The following LRBA variants were observed in gnomAD, a reference collection of about 807,000 sequenced individuals.
LRBA encodes the protein LPS responsive beige-like anchor protein.
LRBA carries 176 observed loss-of-function variants against 330.0 expected under a neutral mutation model. That is an observed-to-expected ratio of 0.53 (90% CI 0.47 to 0.60). LRBA has a LOEUF of 0.60. Ranked by LOEUF, LRBA falls within the 20% of genes least tolerant of loss-of-function variation. The pLI is 0.00. For missense variants in LRBA, 3,259 were observed against 3,444.8 expected (o/e 0.95, Z 1.35); for synonymous variants, 1,230 against 1,193.0 (o/e 1.03, Z -0.64).
Position 150,487,305 on chromosome 4 carries a change from G to A in LRBA, c.6551+427C>T, listed in dbSNP as rs1019426650. Among the ~76,000 whole-genome samples the A allele has an allele frequency of 4.0e-5, 6 of 149,698 alleles. 1 individual carries two copies. Among genetic ancestry groups the A allele is most frequent in the African/African-American group, 1.2e-4 (5 of 40,806 alleles). ...CTTTGAAAAGAATAGTAATTATATC[G>A]ATATATATACTATAAATATCTTTCC... On this transcript the variant is annotated intron_variant, in intron 42 of 56. Transcript: ENST00000651943.
At position 150,350,177 on chromosome 4, in the gene LRBA, T is replaced by C. The variant is rs1431305560; in HGVS notation, c.7195-18A>G. The C allele has an allele frequency of 6.6e-7, 1 of 1,519,568 alleles. No individual in the cohort carries two copies. The highest frequency in any genetic ancestry group is 1.3e-5 in the South Asian group (1 of 76,218). The allele number at this position is 1,519,568 out of a possible 1,614,324, so 94.1% of individuals were successfully genotyped here. A position where few individuals can be genotyped will look rare whatever the true frequency, so the allele number is the denominator to read the frequency against. On this transcript the variant is annotated intron_variant, in intron 47 of 56. Transcript: ENST00000651943. ...TCCAGGGCCTGAAAAAAGGTATACATTGTATTACTATGCTGAATTCCTTTT... is the reference window on the plus strand; with the variant it reads ...TCCAGGGCCTGAAAAAAGGTATACACTGTATTACTATGCTGAATTCCTTTT...
In LRBA at chr4:150,555,706, G is replaced by A. The variant is rs186476005; in HGVS notation, c.6330+32342C>T. Among the ~76,000 whole-genome samples the A allele has an allele frequency of 7.7e-3, 1,167 of 151,260 alleles. 8 individuals carry two copies. The highest frequency in any genetic ancestry group is 0.013 in the Non-Finnish European group (886 of 67,814). ...GCAGAGCTTGCAGTGAGCCAAGATC[G>A]CACCACTGCACTCCAGCCTGGGTAA... On this transcript the variant is annotated intron_variant, in intron 40 of 56. Transcript: ENST00000651943.
chr4:150,332,839 A>G (rs1001475655), intron 48 of LRBA, among the ~76,000 whole-genome samples: 1 of 152,174 alleles, frequency 6.6e-6, no homozygotes, highest in African/African-American at 2.4e-5. Context: ...GTAAAACCAC[A>G]TATTTATATT....
At chr4:150,374,628 GC>G (rs1740958503) in intron 47 of LRBA, among the ~76,000 whole-genome samples, 1 of 152,168 alleles carries the variant, frequency 6.6e-6, no homozygotes, top group South Asian at 2.1e-4. Context: ...CCAACATGAT[GC>G]TAAAAGGAAA....
intron 37 of LRBA, among the ~76,000 whole-genome samples, chr4:150,639,709 T>A (rs1778328062): frequency 7.7e-6 from 1 of 129,568 alleles, no homozygotes; most frequent in African/African-American, 2.9e-5. Context: ...AGTGACAAAC[T>A]AGAAGATAAT....
At chr4:150,400,505 T>TA (rs758239084) in intron 47 of LRBA, among the ~76,000 whole-genome samples, 20 of 152,282 alleles carry the variant, frequency 1.3e-4, no homozygotes, top group Middle Eastern at 3.4e-3. Context: ...GGAATAACTA[T>TA]AATACAGCTC....
intron 2 of LRBA, among the ~76,000 whole-genome samples, chr4:150,963,459 T>C (rs188766404): frequency 1.3e-5 from 2 of 149,750 alleles, no homozygotes; most frequent in Admixed American, 1.3e-4. Context: ...GGTGCCGGGA[T>C]TGCAGACAGA....
At chr4:150,958,520 T>C (rs1278106354) in intron 2 of LRBA, among the ~76,000 whole-genome samples, 2 of 149,290 alleles carry the variant, frequency 1.3e-5, no homozygotes, top group East Asian at 3.8e-4. Flanking sequence ...CATTTCCCTA[T>C]TGTCTTGGCA....
chr4:150,676,353 T>C (rs1462916217), intron 37 of LRBA, among the ~76,000 whole-genome samples: 1 of 152,244 alleles, frequency 6.6e-6, no homozygotes, highest in African/African-American at 2.4e-5. Context: ...TTTTCACTTT[T>C]CTATTTCCCC....
chr4:150,962,751 C>T (rs755391613), intron 2 of LRBA, among the ~76,000 whole-genome samples: 2 of 148,478 alleles, frequency 1.3e-5, no homozygotes, highest in African/African-American at 2.6e-5. Flanking sequence ...GTCAGGAGTT[C>T]GACACCAGCC....
chr4:150,894,774 T>C (rs1729879407), intron 16 of LRBA, among the ~76,000 whole-genome samples: 1 of 152,180 alleles, frequency 6.6e-6, no homozygotes, highest in Non-Finnish European at 1.5e-5. Context: ...CCAGTTTATC[T>C]CATATAAAGT....
chr4:150,911,380 T>C (rs1431491260), intron 9 of LRBA, among the ~76,000 whole-genome samples: 1 of 151,944 alleles, frequency 6.6e-6, no homozygotes, highest in African/African-American at 2.4e-5. Flanking sequence ...GATTGTTGAG[T>C]GTTTTAGGTT....
chr4:150,336,427 C>T (rs968602635), intron 48 of LRBA, among the ~76,000 whole-genome samples: 1 of 151,988 alleles, frequency 6.6e-6, no homozygotes, highest in African/African-American at 2.4e-5. Flanking sequence ...GTGTTTTCCT[C>T]CAAGAAGCAC....
chr4:150,425,480 A>G (rs1337810854), intron 46 of LRBA, among the ~76,000 whole-genome samples: 1 of 152,238 alleles, frequency 6.6e-6, no homozygotes, highest in Non-Finnish European at 1.5e-5. Flanking sequence ...AGGTTCAACC[A>G]GAGGTTACAC....
intron 40 of LRBA, among the ~76,000 whole-genome samples, chr4:150,539,663 T>C (rs1475866084): frequency 6.6e-6 from 1 of 152,208 alleles, no homozygotes; most frequent in Non-Finnish European, 1.5e-5. Flanking sequence ...TTGTATGGCC[T>C]CACTAGAATC....
At chr4:150,802,382 G>A (rs1741789630) in intron 33 of LRBA, among the ~76,000 whole-genome samples, 1 of 150,460 alleles carries the variant, frequency 6.6e-6, no homozygotes, top group South Asian at 2.1e-4. Flanking sequence ...CCACAGCATA[G>A]TAAAGAATAG....
At chr4:150,899,383 G>A (rs1310788335) in intron 14 of LRBA, among the ~76,000 whole-genome samples, 1 of 152,112 alleles carries the variant, frequency 6.6e-6, no homozygotes, top group Non-Finnish European at 1.5e-5. Context: ...CAGTCCTATG[G>A]TCATACTCAG....
chr4:150,351,615 G>A (rs1210885406), intron 47 of LRBA, among the ~76,000 whole-genome samples: 2 of 152,148 alleles, frequency 1.3e-5, no homozygotes, highest in South Asian at 4.1e-4. Context: ...CATGAACCCA[G>A]GAGGTGGAGC....
Position 150,906,348 on chromosome 4 carries a change from T to C in LRBA, c.1551A>G (p.Glu517=), listed in dbSNP as rs752041704. The C allele has an allele frequency of 1.1e-5, 18 of 1,612,828 alleles. No homozygotes were observed. In the East Asian group the frequency reaches 2.7e-4, roughly 24 times the overall value. ...ELLKNSIAMQ[E]QMLACKGFLV... ...AGAAGCCCTTACAGGCAAGCATCTG[T>C]TCCTGCATAGCAATTGAGTTCTTCA... The change falls in exon 12 of 57, where the codon GAA becomes GAG. Residue 517 remains glutamate, a synonymous_variant. Coordinates refer to ENST00000651943, the MANE Select transcript of LRBA (RefSeq NM_001364905.1).
Sources: allele counts gnomAD v4.1 joint callset (sites outside exome capture counted in the v4.1 genomes callset), GRCh38; gene constraint gnomAD v4.1.1; transcripts MANE v1.5; gene names NCBI Gene and HGNC (gene_info 2026-07-23, HGNC 2026-07-21).